Variants in KSR1 observed in about 807,000 individuals in gnomAD.
KSR1 encodes kinase suppressor of ras.
KSR1 carries 35 observed loss-of-function variants against 92.9 expected under a neutral mutation model. The observed-to-expected ratio is 0.38, with a 90% CI of 0.29 to 0.50. The LOEUF (loss-of-function observed/expected upper bound fraction) is 0.50. KSR1 is among the 20% of genes least tolerant of loss of function. The pLI is 0.94. For synonymous variants in KSR1, 467 were observed against 472.6 expected (o/e 0.99, Z 0.15); for missense variants, 972 against 1,158.5 (o/e 0.84, Z 2.34).
At chr17:27,533,441 T>C (rs557151214) in intron 1 of KSR1, among the ~76,000 whole-genome samples, 1 of 151,834 alleles carries the variant, frequency 6.6e-6, no homozygotes, top group Non-Finnish European at 1.5e-5. Context: ...TGGAGTGCAG[T>C]GGCATAATCT....
In KSR1 at chr17:27,588,544, A is replaced by G; in HGVS notation, c.1046+9A>G. On this transcript the variant is annotated intron_variant, in intron 6 of 20. Transcript: ENST00000644974. ...CTGTCGGTGACGCACAGGTAGGCAC[A>G]GCGGGCCTGGAGGGGGAGCAGGGCA... 1 of 1,587,506 alleles carries G rather than the reference A, an allele frequency of 6.3e-7. No homozygotes were observed. The highest frequency in any genetic ancestry group is 1.2e-5 in the South Asian group (1 of 85,624).
chr17:27,581,389 A>C (rs1002350725), intron 3 of KSR1, among the ~76,000 whole-genome samples: 5 of 152,088 alleles, frequency 3.3e-5, no homozygotes, highest in Admixed American at 6.6e-5. Flanking sequence ...ATCTGGCCCC[A>C]CTAGGCTGAC....
intron 6 of KSR1, 47 bp from the exon 7 acceptor site, chr17:27,590,764 T>G: frequency 1.9e-6 from 3 of 1,555,452 alleles, no homozygotes; most frequent in Non-Finnish European, 2.6e-6. Flanking sequence ...GGCTGGGCCT[T>G]GGCCTCCCAG....
intron 2 of KSR1, among the ~76,000 whole-genome samples, chr17:27,576,296 A>G (rs1027380931): frequency 4.6e-5 from 7 of 152,166 alleles, no homozygotes; most frequent in Non-Finnish European, 1.0e-4. Flanking sequence ...GCCTGAAACC[A>G]TGGATAGTAC....
chr17:27,605,054 C>T (rs1555607255), intron 13 of KSR1, among the ~76,000 whole-genome samples: 1 of 152,196 alleles, frequency 6.6e-6, no homozygotes, highest in Non-Finnish European at 1.5e-5. Flanking sequence ...TGATTTACTC[C>T]TGCCCAGGGG....
chr17:27,583,332 G>A (rs375895237), intron 4 of KSR1, among the ~76,000 whole-genome samples: 44 of 152,356 alleles, frequency 2.9e-4, no homozygotes, highest in East Asian at 1.7e-3. Context: ...GTGATGCCAC[G>A]TATGGGTCAG....
intron 1 of KSR1, among the ~76,000 whole-genome samples, chr17:27,476,758 G>A (rs1012224116): frequency 6.6e-6 from 1 of 152,002 alleles, no homozygotes; most frequent in Non-Finnish European, 1.5e-5. Flanking sequence ...TGTAAGGCCT[G>A]CTGTCTATGT....
chr17:27,574,965 T>A (rs1274991433), intron 2 of KSR1, among the ~76,000 whole-genome samples: 1 of 152,232 alleles, frequency 6.6e-6, no homozygotes, highest in Admixed American at 6.5e-5. Flanking sequence ...TTTAAATGTC[T>A]GTCACTCCTC....
chr17:27,611,275 C>T, intron 17 of KSR1: 3 of 565,456 alleles, frequency 5.3e-6, no homozygotes, highest in Middle Eastern at 4.8e-4. Flanking sequence ...GTCAAACCTG[C>T]GCTGTCTCAG....
chr17:27,535,042 A>G (rs1384261312), intron 1 of KSR1, among the ~76,000 whole-genome samples: 1 of 152,226 alleles, frequency 6.6e-6, no homozygotes, highest in East Asian at 1.9e-4. Flanking sequence ...CCTGAGAGGC[A>G]TCTGAGAAGT....
chr17:27,476,688 GC>G lies in KSR1; in HGVS notation c.231+19817del, dbSNP rs774530722. Reference sequence around the variant, plus strand: ...TCCCACTGCCCCCACTCTGAGAAAAGCCCTCTGGCTGTTTGGATGAGGGTGG... The same window carrying G: ...TCCCACTGCCCCCACTCTGAGAAAAGCCTCTGGCTGTTTGGATGAGGGTGG... On this transcript the variant is annotated intron_variant, in intron 1 of 20. Coordinates refer to ENST00000644974, the MANE Select transcript of KSR1 (RefSeq NM_001394583.1). 4.7e-4 allele frequency among the ~76,000 whole-genome samples: 71 copies of G among 152,186 alleles called. 1 individual carries two copies. Among genetic ancestry groups the G allele is most frequent in the Non-Finnish European group, 6.5e-4 (44 of 68,034 alleles).
intron 17 of KSR1, among the ~76,000 whole-genome samples, chr17:27,610,657 A>G (rs2073890091): frequency 6.6e-6 from 1 of 152,228 alleles, no homozygotes; most frequent in Admixed American, 6.5e-5. Flanking sequence ...GTTTTCTAAT[A>G]GCCACATTAA....
chr17:27,489,235 C>A (rs1292783999), intron 1 of KSR1, among the ~76,000 whole-genome samples: 7 of 152,180 alleles, frequency 4.6e-5, no homozygotes. Flanking sequence ...CATGGGCGTG[C>A]CCACATGCAG....
At chr17:27,576,357 C>T (rs1333120728) in intron 2 of KSR1, among the ~76,000 whole-genome samples, 3 of 151,996 alleles carry the variant, frequency 2.0e-5, no homozygotes, top group Non-Finnish European at 4.4e-5. Context: ...TACATACATA[C>T]CTCTGATAAA....
chr17:27,501,312 T>G (rs1291630631), intron 1 of KSR1, among the ~76,000 whole-genome samples: 1 of 140,848 alleles, frequency 7.1e-6, no homozygotes, highest in African/African-American at 2.7e-5. Flanking sequence ...TTTTTTTTTT[T>G]TTTTTGAGCT....
intron 2 of KSR1, chr17:27,566,546 G>C: frequency 2.5e-6 from 1 of 399,162 alleles, no homozygotes; most frequent in East Asian, 3.6e-5. Context: ...CCCGAGGCGT[G>C]AGCCCACCTG....
At chr17:27,545,874 G>A (rs868543751) in intron 1 of KSR1, among the ~76,000 whole-genome samples, 16 of 152,332 alleles carry the variant, frequency 1.1e-4, no homozygotes, top group Middle Eastern at 6.8e-3. Flanking sequence ...CTAAGGCCAG[G>A]TGGGCTAATC....
intron 1 of KSR1, among the ~76,000 whole-genome samples, chr17:27,481,984 A>C (rs1246286138): frequency 6.6e-6 from 1 of 152,150 alleles, no homozygotes; most frequent in African/African-American, 2.4e-5. Flanking sequence ...TTGAACCTTA[A>C]TTTCTGTCAT....
At chr17:27,579,896 A>AAAAAC (rs2072675211) in intron 3 of KSR1, 1 of 144,646 alleles carries the variant, frequency 6.9e-6, no homozygotes, top group Non-Finnish European at 1.5e-5. Context: ...AAAAAAAAAA[A>AAAAAC]AAAAAAAAAA....
Sources: gnomAD v4.1 joint callset for allele counts (sites outside exome capture counted in the v4.1 genomes callset) on GRCh38, gnomAD v4.1.1 for gene constraint, MANE v1.5 for transcripts, NCBI Gene and HGNC (gene_info 2026-07-23, HGNC 2026-07-21) for gene names.